SGSM1: variants seen among roughly 807,000 people sequenced by gnomAD.
The protein encoded by SGSM1 is RUN and TBC1 domain containing 2.
In SGSM1, 73 loss-of-function variants were observed where a neutral mutation model predicts 133.8. That is an observed-to-expected ratio of 0.55 (90% CI 0.45 to 0.66). The LOEUF is 0.66. Ranked by LOEUF, SGSM1 falls within the 30% of genes least tolerant of loss-of-function variation. The pLI, the probability that SGSM1 is intolerant of heterozygous loss-of-function variation, is 0.00. For synonymous variants in SGSM1, 563 were observed against 573.0 expected, an observed-to-expected ratio of 0.98 and a Z score of 0.25; for missense variants, 1,213 against 1,448.1, an observed-to-expected ratio of 0.84 and a Z score of 2.64.
Position 24,877,802 on chromosome 22 carries a change from C to CTTTTTTTTTTT in SGSM1, c.1430+1103_1430+1113dup, listed in dbSNP as rs36036968. Among the ~76,000 whole-genome samples the CTTTTTTTTTTT allele has an allele frequency of 3.6e-4, 27 of 75,448 alleles. 1 individual carries two copies. The highest frequency in any genetic ancestry group is 5.6e-4 in the Admixed American group (3 of 5,354). 49.5% of individuals were successfully genotyped at this position (75,448 alleles called of 152,430 possible). The stretch of plus-strand genomic sequence containing the variant: ...TAATATTACTGGAGATTCTTTCTTT[C>CTTTTTTTTTTT]TTTTTTTTTTTTTTTTTTTTTTTTT... On this transcript the variant is annotated intron_variant, in intron 13 of 24. Transcript: ENST00000400358.
At position 24,871,763 on chromosome 22, in the gene SGSM1, C is replaced by G. The variant is rs530967360; in HGVS notation, c.1291+2908C>G. 5.9e-5 allele frequency among the ~76,000 whole-genome samples: 9 copies of G among 152,288 alleles called. No individual in the cohort carries two copies. The South Asian group carries it at 1.9e-3, about 32-fold the overall frequency. On this transcript the variant is annotated intron_variant, in intron 12 of 24. Transcript: ENST00000400358. Reference sequence around the variant, plus strand: ...GGGAGAGGGCATTGTGGTTTCACTCCCTTCAGTCTCAAGGTCAACTTCAAC... The same window carrying G: ...GGGAGAGGGCATTGTGGTTTCACTCGCTTCAGTCTCAAGGTCAACTTCAAC...
intron 5 of SGSM1, among the ~76,000 whole-genome samples, chr22:24,853,773 T>TTTAA (rs1555925514): frequency 8.7e-6 from 1 of 114,376 alleles, no homozygotes; most frequent in African/African-American, 3.3e-5. Context: ...TGGTGAATTT[T>TTTAA]TTTTTTTTTT....
At chr22:24,819,883 T>C (rs961346054) in intron 2 of SGSM1, among the ~76,000 whole-genome samples, 3 of 152,156 alleles carry the variant, frequency 2.0e-5, no homozygotes, top group Non-Finnish European at 2.9e-5. Flanking sequence ...CCTTTTCCGT[T>C]TTCTGCAGCT....
intron 23 of SGSM1, among the ~76,000 whole-genome samples, chr22:24,918,062 T>C (rs1049015986): frequency 1.3e-5 from 2 of 152,194 alleles, no homozygotes; most frequent in Admixed American, 1.3e-4. Context: ...ATCTCTTTCA[T>C]TCTGCTGTGC....
chr22:24,904,232 T>C (rs1201063556), intron 20 of SGSM1, among the ~76,000 whole-genome samples: 2 of 152,144 alleles, frequency 1.3e-5, no homozygotes. Flanking sequence ...CTGGGTGCAA[T>C]GGCTCATGCC....
intron 2 of SGSM1, among the ~76,000 whole-genome samples, chr22:24,832,243 A>G (rs5996768): frequency 1.3e-4 from 20 of 148,156 alleles, no homozygotes; most frequent in African/African-American, 4.5e-4. Flanking sequence ...CTAGTAACCA[A>G]CATCCCTGAT....
At chr22:24,850,242 TTG>T (rs755557116) in intron 4 of SGSM1, 36 bp from the exon 5 acceptor site, 6 of 1,534,470 alleles carry the variant, frequency 3.9e-6, no homozygotes, top group Non-Finnish European at 5.3e-6. Flanking sequence ...AGATTTGCTC[TTG>T]TGAGTATCTA....
chr22:24,847,593 C>A, intron 3 of SGSM1, 41 bp from the exon 4 acceptor site: 1 of 1,599,752 alleles, frequency 6.3e-7, no homozygotes, highest in South Asian at 1.1e-5. Context: ...TGCTGGAGTG[C>A]ATGGGCAGGG....
intron 16 of SGSM1, among the ~76,000 whole-genome samples, chr22:24,891,642 TG>T (rs1445556833): frequency 1.3e-5 from 2 of 152,078 alleles, no homozygotes; most frequent in East Asian, 3.9e-4. Context: ...TATTCAGAGC[TG>T]GGGATGCAGA....
intron 2 of SGSM1, among the ~76,000 whole-genome samples, chr22:24,808,107 T>C (rs1008085879): frequency 4.0e-5 from 6 of 151,264 alleles, no homozygotes; most frequent in African/African-American, 1.5e-4. Flanking sequence ...TCTTTTTTTT[T>C]TCTTGGTGTT....
chr22:24,824,794 G>C (rs528978089), intron 2 of SGSM1, among the ~76,000 whole-genome samples: 52 of 152,236 alleles, frequency 3.4e-4, no homozygotes, highest in African/African-American at 1.2e-3. Flanking sequence ...ACGCTGTCAG[G>C]TCTGGTTTCT....
At chr22:24,820,800 A>G (rs145759396) in intron 2 of SGSM1, among the ~76,000 whole-genome samples, 1,981 of 152,336 alleles carry the variant, frequency 0.013, 44 homozygotes, top group African/African-American at 0.045. Context: ...CGGAGACAAC[A>G]GTGAGCACAA....
chr22:24,914,463 G>A (rs553804118), intron 22 of SGSM1, among the ~76,000 whole-genome samples: 4 of 134,878 alleles, frequency 3.0e-5, no homozygotes, highest in Admixed American at 7.9e-5. Flanking sequence ...GTGACAGAGC[G>A]AGACTCTGTC....
chr22:24,870,386 C>T (rs1931709487), intron 12 of SGSM1, among the ~76,000 whole-genome samples: 1 of 152,222 alleles, frequency 6.6e-6, no homozygotes, highest in Non-Finnish European at 1.5e-5. Context: ...ACTCGAGAGC[C>T]AGTTATCAGA....
At chr22:24,880,255 C>T (rs1932252431) in intron 14 of SGSM1, among the ~76,000 whole-genome samples, 1 of 152,094 alleles carries the variant, frequency 6.6e-6, no homozygotes, top group Admixed American at 6.6e-5. Flanking sequence ...CTGCCTTAGC[C>T]TCTTGAGTAG....
intron 24 of SGSM1, 140 bp from the exon 25 acceptor site, chr22:24,924,046 T>C (rs1934105343): frequency 2.8e-6 from 2 of 701,908 alleles, no homozygotes; most frequent in African/African-American, 1.8e-5. Context: ...GGTCCAGAGG[T>C]AGAGGCCTTC....
Position 24,859,769 on chromosome 22 carries a change from C to T in SGSM1, c.855C>T (p.Asp285=), listed in dbSNP as rs745498944. 2.7e-5 allele frequency: 44 copies of T among 1,613,860 alleles called. No homozygotes were observed. The highest frequency in any genetic ancestry group is 1.6e-4 in the Middle Eastern group (1 of 6,084). The change falls in exon 9 of 25, where the codon GAC becomes GAT. Residue 285 remains aspartate, a synonymous_variant. Transcript: ENST00000400358. ...ACCTGTCCCTGCACCAGACGGCTGACGTCATGACCTTGAAGTGGACACCCA... is the reference window on the plus strand; with the variant it reads ...ACCTGTCCCTGCACCAGACGGCTGATGTCATGACCTTGAAGTGGACACCCA... ...PGYLSLHQTA[D]VMTLKWTPNQ...
At chr22:24,820,999 A>T (rs1410515293) in intron 2 of SGSM1, among the ~76,000 whole-genome samples, 1 of 152,164 alleles carries the variant, frequency 6.6e-6, no homozygotes, top group Non-Finnish European at 1.5e-5. Context: ...AGATGGTGGC[A>T]TTTGATCTCA....
intron 18 of SGSM1, among the ~76,000 whole-genome samples, chr22:24,895,678 C>T (rs920199448): frequency 6.6e-6 from 1 of 152,000 alleles, no homozygotes; most frequent in Non-Finnish European, 1.5e-5. Flanking sequence ...TACATAAATG[C>T]CATCATATAT....
Sources: allele counts gnomAD v4.1 joint callset (sites outside exome capture counted in the v4.1 genomes callset), GRCh38; gene constraint gnomAD v4.1.1; transcripts MANE v1.5; gene names NCBI Gene and HGNC (gene_info 2026-07-23, HGNC 2026-07-21).